LIMCH1: variants seen among roughly 807,000 people sequenced by gnomAD.
The protein encoded by LIMCH1 is LIM and calponin homology domains-containing protein 1.
A neutral mutation model predicts 176.5 loss-of-function variants in LIMCH1; 113 were observed. The observed-to-expected ratio is 0.64, with a 90% confidence interval of 0.55 to 0.75. The LOEUF (loss-of-function observed/expected upper bound fraction) is 0.75, where lower values mean the gene tolerates loss of function less well. Ranked by LOEUF, LIMCH1 falls within the 30% of genes least tolerant of loss-of-function variation. The pLI, the probability that LIMCH1 is intolerant of heterozygous loss-of-function variation, is 0.00. For missense variants in LIMCH1, 1,674 were observed against 1,814.9 expected, an observed-to-expected ratio of 0.92 and a Z score of 1.41; for synonymous variants, 619 against 645.9, an observed-to-expected ratio of 0.96 and a Z score of 0.63.
intron 1 of LIMCH1, among the ~76,000 whole-genome samples, chr4:41,547,648 A>T (rs2079662698): frequency 1.4e-5 from 2 of 146,852 alleles, no homozygotes; most frequent in South Asian, 4.2e-4. Context: ...CATATATAAT[A>T]TATACAGATA....
At chr4:41,511,259 T>C (rs2074882467) in intron 2 of LIMCH1, among the ~76,000 whole-genome samples, 2 of 152,256 alleles carry the variant, frequency 1.3e-5, no homozygotes, top group African/African-American at 4.8e-5. Flanking sequence ...TTTGTATCTT[T>C]CTTGCATTTG....
At chr4:41,382,763 C>T (rs1379004333) in intron 1 of LIMCH1, among the ~76,000 whole-genome samples, 2 of 152,198 alleles carry the variant, frequency 1.3e-5, no homozygotes, top group African/African-American at 2.4e-5. Flanking sequence ...TAGTCTTCCA[C>T]GTCTCGTGAA....
chr4:41,664,767 G>A (rs2094763932), intron 20 of LIMCH1, among the ~76,000 whole-genome samples: 2 of 152,144 alleles, frequency 1.3e-5, no homozygotes, highest in African/African-American at 4.8e-5. Flanking sequence ...GTTCATCTGT[G>A]GATCACCAGA....
chr4:41,697,891 T>G lies in LIMCH1; in HGVS notation c.*706T>G, dbSNP rs1407175548. 6.6e-6 allele frequency: 1 copy of G among 152,182 alleles called. No homozygotes were observed. Among genetic ancestry groups the G allele is most frequent in the African/African-American group, 2.4e-5 (1 of 41,444 alleles). 9.4% of individuals were successfully genotyped at this position (152,182 alleles called of 1,614,324 possible). ...TAAAGCAAAACCTTGCAATATCAGC[T>G]AGATTTACACTCCGGGACGTTGCCC... On this transcript the variant is annotated 3_prime_UTR_variant, in exon 32 of 32. Coordinates refer to ENST00000503057, the MANE Select transcript of LIMCH1 (RefSeq NM_001330672.2).
At chr4:41,544,611 C>T (rs2079119126) in intron 1 of LIMCH1, among the ~76,000 whole-genome samples, 1 of 152,104 alleles carries the variant, frequency 6.6e-6, no homozygotes, top group Non-Finnish European at 1.5e-5. Flanking sequence ...TATTCCATTC[C>T]ATTCCACCTC....
chr4:41,506,347 A>T (rs1444310361), intron 2 of LIMCH1, among the ~76,000 whole-genome samples: 1 of 152,206 alleles, frequency 6.6e-6, no homozygotes, highest in African/African-American at 2.4e-5. Context: ...TGTGTCACGG[A>T]TGTGTCCTAG....
At chr4:41,400,240 T>G (rs1410048521) in intron 1 of LIMCH1, among the ~76,000 whole-genome samples, 5 of 152,106 alleles carry the variant, frequency 3.3e-5, no homozygotes, top group Non-Finnish European at 5.9e-5. Context: ...ATTTAAAAGG[T>G]CTTAGAGGTC....
chr4:41,680,307 G>A (rs183676177), intron 24 of LIMCH1, among the ~76,000 whole-genome samples: 1 of 152,354 alleles, frequency 6.6e-6, no homozygotes, highest in Non-Finnish European at 1.5e-5. Context: ...ATAAGGGTGT[G>A]TTGAGTCACA....
At chr4:41,422,553 A>T (rs1359830229) in intron 1 of LIMCH1, among the ~76,000 whole-genome samples, 1 of 152,042 alleles carries the variant, frequency 6.6e-6, no homozygotes, top group African/African-American at 2.4e-5. Flanking sequence ...AAAAGAAAAA[A>T]TTTACTTCAG....
At chr4:41,572,016 A>G (rs571574127) in intron 1 of LIMCH1, among the ~76,000 whole-genome samples, 1 of 152,340 alleles carries the variant, frequency 6.6e-6, no homozygotes, top group Non-Finnish European at 1.5e-5. Context: ...CTAAGCGTGA[A>G]TGAAACATGA....
intron 13 of LIMCH1, among the ~76,000 whole-genome samples, chr4:41,635,444 T>C (rs533932664): frequency 6.6e-6 from 1 of 152,236 alleles, no homozygotes; most frequent in Non-Finnish European, 1.5e-5. Flanking sequence ...GCCAGGCTGG[T>C]CTGGAACTCC....
intron 2 of LIMCH1, among the ~76,000 whole-genome samples, chr4:41,503,595 G>A (rs979873146): frequency 1.3e-5 from 2 of 152,200 alleles, no homozygotes; most frequent in Non-Finnish European, 2.9e-5. Context: ...GGTGTGTTCA[G>A]AGAAGGATGC....
chr4:41,457,451 G>A (rs1385039378), intron 1 of LIMCH1, among the ~76,000 whole-genome samples: 1 of 152,102 alleles, frequency 6.6e-6, no homozygotes, highest in Non-Finnish European at 1.5e-5. Flanking sequence ...AACATTTTTT[G>A]AGCATTTTTT....
intron 2 of LIMCH1, among the ~76,000 whole-genome samples, chr4:41,497,769 T>G (rs985278710): frequency 6.7e-6 from 1 of 149,300 alleles, no homozygotes; most frequent in African/African-American, 2.5e-5. Flanking sequence ...CGTGCTACTG[T>G]ACTCCAGCCT....
chr4:41,361,719 G>A (rs2052095914), intron 1 of LIMCH1, among the ~76,000 whole-genome samples: 1 of 152,228 alleles, frequency 6.6e-6, no homozygotes, highest in Non-Finnish European at 1.5e-5. Context: ...CTCACTGGGT[G>A]ATCCTGATTC....
chr4:41,675,352 A>G (rs1003533656), intron 22 of LIMCH1, among the ~76,000 whole-genome samples: 4 of 151,770 alleles, frequency 2.6e-5, no homozygotes, highest in South Asian at 4.2e-4. Flanking sequence ...AAAACCTTGG[A>G]TAGGACTGAC....
Position 41,629,654 on chromosome 4 carries a change from C to T in LIMCH1, c.1191C>T (p.Pro397=). The T allele has an allele frequency of 6.5e-7, 1 of 1,535,980 alleles. No homozygotes were observed. The highest frequency in any genetic ancestry group is 8.7e-7 in the Non-Finnish European group (1 of 1,146,882). Residue 397 remains proline (P), a synonymous_variant, in exon 9 of 32, where the codon CCC becomes CCT. Coordinates refer to ENST00000503057, the MANE Select transcript of LIMCH1 (RefSeq NM_001330672.2). ...GCAGCCTTGCCCCTCACCGCGAGCC[C>T]CCGAGCTTCATTACGCTCTCCAACA... ...IQGSLAPHRE[P]PSFITLSNIT...
upstream of LIMCH1, among the ~76,000 whole-genome samples, chr4:41,535,162 CAA>C (rs61639965): frequency 0.049 from 4,130 of 83,950 alleles, 84 homozygotes; most frequent in African/African-American, 0.14. Flanking sequence ...GACCCTGTCA[CAA>C]AAAAAAAAAA....
At chr4:41,560,132 C>T (rs2081876801) in intron 1 of LIMCH1, among the ~76,000 whole-genome samples, 1 of 152,158 alleles carries the variant, frequency 6.6e-6, no homozygotes, top group Admixed American at 6.6e-5. Flanking sequence ...CACCTTATGT[C>T]CTTTATTGGC....
Sources: allele counts gnomAD v4.1 joint callset (sites outside exome capture counted in the v4.1 genomes callset), GRCh38; gene constraint gnomAD v4.1.1; transcripts MANE v1.5; gene names NCBI Gene and HGNC (gene_info 2026-07-23, HGNC 2026-07-21).